The following FAT3 variants were observed in gnomAD, a reference collection of about 807,000 sequenced individuals.
The protein encoded by FAT3 is FAT atypical cadherin 3, also known as protocadherin Fat 3.
In FAT3, 95 loss-of-function variants were observed where a neutral mutation model predicts 310.2. The ratio of observed to expected loss-of-function variants is 0.31; its 90% CI spans 0.26 to 0.36. The LOEUF is 0.36. Ranked by LOEUF, FAT3 falls within the 10% of genes least tolerant of loss-of-function variation. The pLI, the probability that FAT3 is intolerant of heterozygous loss-of-function variation, is 1.00. For synonymous variants in FAT3, 2,314 were observed against 2,192.9 expected (o/e 1.06, Z -1.54); for missense variants, 5,408 against 5,715.6 (o/e 0.95, Z 1.74).
chr11:92,705,150 A>G (rs1465130984), intron 4 of FAT3, among the ~76,000 whole-genome samples: 1 of 152,212 alleles, frequency 6.6e-6, no homozygotes, highest in Non-Finnish European at 1.5e-5. Flanking sequence ...TTTACCCACA[A>G]GAATGCTTCT....
chr11:92,360,334 A>C (rs1046970575), intron 2 of FAT3, among the ~76,000 whole-genome samples: 5 of 152,248 alleles, frequency 3.3e-5, no homozygotes, highest in Admixed American at 1.3e-4. Flanking sequence ...TTTGCTATGC[A>C]CAAGCATTTA....
intron 2 of FAT3, among the ~76,000 whole-genome samples, chr11:92,503,886 G>T (rs570824983): frequency 6.6e-6 from 1 of 152,194 alleles, no homozygotes; most frequent in East Asian, 1.9e-4. Flanking sequence ...AAAGGGATTT[G>T]CTTTGTGCTC....
intron 3 of FAT3, among the ~76,000 whole-genome samples, chr11:92,566,222 AG>A (rs1955436135): frequency 6.6e-6 from 1 of 152,198 alleles, no homozygotes; most frequent in South Asian, 2.1e-4. Flanking sequence ...AAAAATCACA[AG>A]CATTCTTATA....
intron 23 of FAT3, 145 bp from the exon 24 acceptor site, chr11:92,882,593 C>T (rs1036792818): frequency 7.0e-6 from 4 of 572,438 alleles, no homozygotes; most frequent in Non-Finnish European, 1.1e-5. Context: ...CCTCCCCCCC[C>T]CCACCAACCA....
intron 1 of FAT3, among the ~76,000 whole-genome samples, chr11:92,293,716 G>A (rs1476872902): frequency 6.6e-6 from 1 of 151,364 alleles, no homozygotes; most frequent in Admixed American, 6.6e-5. Flanking sequence ...ATAGCTACAG[G>A]AGACCCATGG....
Position 92,512,842 on chromosome 11 carries a change from G to GTCCA in FAT3, c.3293-11792_3293-11791insTCCA, listed in dbSNP as rs1565373870. Among the ~76,000 whole-genome samples, 241 of 93,974 alleles carry GTCCA rather than the reference G, an allele frequency of 2.6e-3. 4 individuals are homozygous for GTCCA. Among genetic ancestry groups the GTCCA allele is most frequent in the African/African-American group, 0.01 (224 of 21,644 alleles). 61.7% of individuals were successfully genotyped at this position (93,974 alleles called of 152,430 possible). ...ATAAACATCTAAGTTAAGATTATCG[G>GTCCA]CCGGGCGCGGTGGCTCACGCCTGTA... On this transcript the variant is annotated intron_variant, in intron 2 of 27. Coordinates refer to ENST00000525166, the MANE Select transcript of FAT3 (RefSeq NM_001367949.2).
intron 3 of FAT3, among the ~76,000 whole-genome samples, chr11:92,608,694 C>A (rs1940419987): frequency 8.9e-6 from 1 of 112,356 alleles, no homozygotes; most frequent in South Asian, 2.5e-4. Context: ...ATAATATTCT[C>A]CATGAAAATA....
At chr11:92,375,481 A>T (rs989917064) in intron 2 of FAT3, among the ~76,000 whole-genome samples, 1 of 152,072 alleles carries the variant, frequency 6.6e-6, no homozygotes, top group Non-Finnish European at 1.5e-5. Flanking sequence ...GATTCTTTGG[A>T]GGCTTGAGCT....
intron 2 of FAT3, among the ~76,000 whole-genome samples, chr11:92,376,011 G>A (rs1245282733): frequency 2.0e-5 from 3 of 152,070 alleles, no homozygotes; most frequent in African/African-American, 7.2e-5. Context: ...GTTGTTTTTG[G>A]TAAGATAAAT....
chr11:92,251,653 A>G (rs1865145897), intron 1 of FAT3, among the ~76,000 whole-genome samples: 1 of 152,114 alleles, frequency 6.6e-6, no homozygotes, highest in South Asian at 2.1e-4. Flanking sequence ...TACTGGGAAA[A>G]GACCCATGAG....
intron 2 of FAT3, among the ~76,000 whole-genome samples, chr11:92,387,611 G>T (rs972806053): frequency 6.6e-6 from 1 of 152,142 alleles, no homozygotes; most frequent in African/African-American, 2.4e-5. Context: ...AGGGGTAAGT[G>T]ACTAAGAAGG....
chr11:92,650,198 G>A (rs973402214), intron 3 of FAT3, among the ~76,000 whole-genome samples: 10 of 152,002 alleles, frequency 6.6e-5, no homozygotes, highest in Admixed American at 1.3e-4. Flanking sequence ...GAACCAGAGA[G>A]GGGACACTGG....
chr11:92,812,688 A>G (rs1259084076), intron 13 of FAT3, among the ~76,000 whole-genome samples: 1 of 152,228 alleles, frequency 6.6e-6, no homozygotes, highest in African/African-American at 2.4e-5. Flanking sequence ...CCAGCATTTT[A>G]TAAAAACAAC....
At chr11:92,670,988 C>G (rs923656255) in intron 3 of FAT3, among the ~76,000 whole-genome samples, 2 of 152,060 alleles carry the variant, frequency 1.3e-5, no homozygotes, top group African/African-American at 4.8e-5. Context: ...AAAGCCCCTG[C>G]ATGCCCTCCA....
intron 3 of FAT3, among the ~76,000 whole-genome samples, chr11:92,678,903 C>T (rs1424891017): frequency 6.6e-6 from 1 of 152,098 alleles, no homozygotes; most frequent in Non-Finnish European, 1.5e-5. Flanking sequence ...TATCCATCAC[C>T]CAAATAACAT....
chr11:92,384,885 A>C (rs1949582130), intron 2 of FAT3, among the ~76,000 whole-genome samples: 1 of 152,306 alleles, frequency 6.6e-6, no homozygotes, highest in African/African-American at 2.4e-5. Context: ...TTATTCATAA[A>C]GCTTGCTTCC....
chr11:92,465,849 TA>T lies in FAT3; in HGVS notation c.3293-58776del, dbSNP rs566798159. ...GCACGTTGTAAAACTTAAAGTATAATAAAAAAAAATGCCTTTAAAAGTTAAT... is the reference window on the plus strand; with the variant it reads ...GCACGTTGTAAAACTTAAAGTATAATAAAAAAAATGCCTTTAAAAGTTAAT... On this transcript the variant is annotated intron_variant, in intron 2 of 27. Coordinates refer to ENST00000525166, the MANE Select transcript of FAT3 (RefSeq NM_001367949.2). Among the ~76,000 whole-genome samples the T allele has an allele frequency of 1.6e-3, 243 of 147,806 alleles. 3 individuals are homozygous for T. Among genetic ancestry groups the T allele is most frequent in the South Asian group, 3.6e-3 (17 of 4,700 alleles).
intron 3 of FAT3, among the ~76,000 whole-genome samples, chr11:92,629,378 C>T (rs950380066): frequency 6.7e-6 from 1 of 150,192 alleles, no homozygotes; most frequent in Non-Finnish European, 1.5e-5. Flanking sequence ...TCTGCCTCTT[C>T]TCTGTTGGCA....
At chr11:92,576,935 A>G (rs1313251872) in intron 3 of FAT3, among the ~76,000 whole-genome samples, 2 of 152,078 alleles carry the variant, frequency 1.3e-5, no homozygotes, top group African/African-American at 4.8e-5. Context: ...GTAAGACGTT[A>G]TATTTAAGGT....
Sources: allele counts gnomAD v4.1 joint callset (sites outside exome capture counted in the v4.1 genomes callset), GRCh38; gene constraint gnomAD v4.1.1; transcripts MANE v1.5; gene names NCBI Gene and HGNC (gene_info 2026-07-23, HGNC 2026-07-21).